The following FAM161B variants were observed in gnomAD, a reference collection of about 807,000 sequenced individuals.
FAM161B encodes the protein protein FAM161B.
A neutral mutation model predicts 61.5 loss-of-function variants in FAM161B; 46 were observed. The ratio of observed to expected loss-of-function variants is 0.75; its 90% confidence interval spans 0.59 to 0.96. The LOEUF (loss-of-function observed/expected upper bound fraction) is 0.96. Ranked by LOEUF, FAM161B falls within the 40% of genes least tolerant of loss-of-function variation. FAM161B has a pLI of 0.00. For missense variants in FAM161B, 774 were observed against 800.7 expected (o/e 0.97, Z 0.40); for synonymous variants, 284 against 302.7 (o/e 0.94, Z 0.64).
chr14:73,937,921 C>A, intron 6 of FAM161B, 27 bp downstream of exon 6: 1 of 1,612,404 alleles, frequency 6.2e-7, no homozygotes, highest in South Asian at 1.1e-5. Flanking sequence ...AGGCAAGCAC[C>A]CCTTTTGACA....
downstream of FAM161B, among the ~76,000 whole-genome samples, chr14:73,926,727 G>T (rs1486348780): frequency 2.8e-5 from 3 of 107,392 alleles, no homozygotes; most frequent in African/African-American, 8.6e-5. Flanking sequence ...GAGCCACTGC[G>T]CCCGGCCAGG....
downstream of FAM161B, chr14:73,931,635 G>C (rs1352284948): frequency 5.9e-6 from 7 of 1,182,490 alleles, no homozygotes; most frequent in Non-Finnish European, 7.4e-6. Context: ...GAACCAGAAT[G>C]AATCTTTGAA....
chr14:73,941,115 T>C, intron 4 of FAM161B, 62 bp from the exon 5 acceptor site: 1 of 1,451,634 alleles, frequency 6.9e-7, no homozygotes, highest in East Asian at 2.5e-5. Flanking sequence ...TATCTTTTTT[T>C]TTTTTTTTTT....
At position 73,941,055 on chromosome 14, in the gene FAM161B, T is replaced by C. The variant is rs1292481687; in HGVS notation, c.1273-2A>G. The stretch of plus-strand genomic sequence containing the variant: ...TGTAGCTGGTGGCTGTGGGGAATCC[T>C]AGAAGAAACAAAGGTTGGTATTGGT... On this transcript the variant is annotated splice_acceptor_variant, in intron 4 of 8. Transcript: ENST00000286544. LOFTEE classifies it high-confidence loss of function. 1 of 1,603,730 alleles carries C rather than the reference T, an allele frequency of 6.2e-7. No homozygotes were observed. Among genetic ancestry groups the C allele is most frequent in the East Asian group, 2.3e-5 (1 of 44,102 alleles).
At chr14:73,931,573 T>C, downstream of FAM161B, 2 of 1,605,268 alleles carry the variant, frequency 1.2e-6, no homozygotes, top group Non-Finnish European at 1.7e-6. Context: ...AGAGCAACTC[T>C]ATCTGATCTC....
At position 73,937,888 on chromosome 14, in the gene FAM161B, G is replaced by A. The variant is rs2055983653; in HGVS notation, c.1565+60C>T. On this transcript the variant is annotated intron_variant, in intron 6 of 8. Coordinates refer to ENST00000286544, the MANE Select transcript of FAM161B (RefSeq NM_152445.3). The stretch of plus-strand genomic sequence containing the variant: ...CTCTATTTTGCATTTTCTGGCAATA[G>A]GCCAGTGGTCTGTTGGATCCCAAGG... 1.9e-6 allele frequency: 3 copies of A among 1,603,956 alleles called. No homozygotes were observed. The Admixed American group carries it at 5.1e-5, about 27-fold the overall frequency.
Position 73,940,916 on chromosome 14 carries a change from G to C in FAM161B, c.1400+10C>G. The C allele has an allele frequency of 6.2e-7, 1 of 1,605,538 alleles. No homozygotes were observed. The highest frequency in any genetic ancestry group is 8.5e-7 in the Non-Finnish European group (1 of 1,176,396). ...TCAGAGCATGGGTCTCGTGCAGCCT[G>C]ACCACTCACCTGACTGCAGATTCCC... On this transcript the variant is annotated intron_variant, in intron 5 of 8. Coordinates refer to ENST00000286544, the MANE Select transcript of FAM161B (RefSeq NM_152445.3).
chr14:73,925,994 A>G, the FAM161B span, among the ~76,000 whole-genome samples: 1 of 152,192 alleles, frequency 6.6e-6, no homozygotes, highest in Non-Finnish European at 1.5e-5. Context: ...TGACTGTGCC[A>G]CTGTACTCCA....
intron 1 of FAM161B, among the ~76,000 whole-genome samples, chr14:73,949,075 T>C (rs549475668): frequency 3.1e-4 from 44 of 142,342 alleles, no homozygotes; most frequent in Middle Eastern, 7.8e-3. Context: ...CGCACCACCA[T>C]GCCCAGATAA....
intron 8 of FAM161B, among the ~76,000 whole-genome samples, chr14:73,935,193 G>T (rs2055960940): frequency 6.6e-6 from 1 of 152,092 alleles, no homozygotes. Flanking sequence ...GAGAATAATG[G>T]AGAGAAGATA....
At position 73,942,528 on chromosome 14, in the gene FAM161B, C is replaced by G. The variant is rs2056028468; in HGVS notation, c.1113G>C (p.Val371=). 6.2e-7 allele frequency: 1 copy of G among 1,614,234 alleles called. No homozygotes were observed. The highest frequency in any genetic ancestry group is 8.5e-7 in the Non-Finnish European group (1 of 1,180,050). Residue 371 remains valine, a synonymous_variant, in exon 4 of 9, where the codon GTG becomes GTC. Coordinates refer to ENST00000286544, the MANE Select transcript of FAM161B (RefSeq NM_152445.3). The part of the protein sequence containing the change: ...NFRFQPRVNP[V]VPDYEGLYKA... ...TGTAAAGGCCCTCATAGTCAGGGAC[C>G]ACAGGATTCACCCGAGGCTGGAATC...
chr14:73,925,956 C>T, the FAM161B span, among the ~76,000 whole-genome samples: 16 of 152,156 alleles, frequency 1.1e-4, no homozygotes, highest in Non-Finnish European at 8.8e-5. Flanking sequence ...ATCACCTAAG[C>T]CTGGGAGGTT....
At chr14:73,946,968 T>C (rs1343565675) in intron 1 of FAM161B, among the ~76,000 whole-genome samples, 1 of 152,078 alleles carries the variant, frequency 6.6e-6, no homozygotes, top group African/African-American at 2.4e-5. Flanking sequence ...ATCCTGCCCA[T>C]GATGATGGCC....
At chr14:73,949,698 G>C (rs1301376729) in intron 1 of FAM161B, among the ~76,000 whole-genome samples, 7 of 122,020 alleles carry the variant, frequency 5.7e-5, no homozygotes, top group African/African-American at 1.8e-4. Context: ...TTGTGCCTCA[G>C]TTTTCTCTTC....
In FAM161B at chr14:73,942,293, C is replaced by T. The variant is rs2056025785; in HGVS notation, c.1272+76G>A. 3.5e-6 allele frequency: 5 copies of T among 1,440,982 alleles called. No individual in the cohort carries two copies. In the South Asian group the frequency reaches 6.7e-5, roughly 19 times the overall value. The allele number at this position is 1,440,982 out of a possible 1,614,324, so 89.3% of individuals were successfully genotyped here. On this transcript the variant is annotated intron_variant, in intron 4 of 8. Coordinates refer to ENST00000286544, the MANE Select transcript of FAM161B (RefSeq NM_152445.3). ...GATAGGAAAACCTTGTTGAGAAGTG[C>T]TTTCCAGGAAGACCTGGCCCCACCC... is the stretch of plus-strand genomic sequence containing the variant.
At chr14:73,924,757 A>G in the FAM161B span, 1 of 418,458 alleles carries the variant, frequency 2.4e-6, no homozygotes, top group Non-Finnish European at 4.7e-6. Flanking sequence ...GCTCACTGCA[A>G]CCTCTGCCTC....
chr14:73,945,883 G>A (rs531512250), intron 2 of FAM161B, among the ~76,000 whole-genome samples: 30 of 151,370 alleles, frequency 2.0e-4, no homozygotes, highest in African/African-American at 4.9e-4. Context: ...CTGGGATTAC[G>A]GGCACACGCC....
intron 2 of FAM161B, 64 bp downstream of exon 2, chr14:73,946,222 A>C: frequency 8.1e-6 from 12 of 1,486,120 alleles, no homozygotes; most frequent in South Asian, 1.3e-5. Context: ...GATGAAGCCC[A>C]GAGACACGAT....
intron 3 of FAM161B, 89 bp downstream of exon 3, chr14:73,944,246 C>T: frequency 6.6e-7 from 1 of 1,511,004 alleles, no homozygotes; most frequent in South Asian, 1.4e-5. Context: ...AATCTCCAAG[C>T]CAGGCAGATC....
Sources: allele counts gnomAD v4.1 joint callset (sites outside exome capture counted in the v4.1 genomes callset), GRCh38; gene constraint gnomAD v4.1.1; transcripts MANE v1.5; gene names NCBI Gene and HGNC (gene_info 2026-07-23, HGNC 2026-07-21).